The following YPEL2 variants were observed in gnomAD, a reference collection of about 807,000 sequenced individuals.
YPEL2 encodes protein yippee-like 2.
Under a neutral mutation model 19.1 loss-of-function variants are expected in YPEL2, and 2 were observed. That is an observed-to-expected ratio of 0.10 (90% CI 0.04 to 0.33). The LOEUF (loss-of-function observed/expected upper bound fraction) is 0.33. Ranked by LOEUF, YPEL2 falls within the 10% of genes least tolerant of loss-of-function variation. The pLI, the probability that YPEL2 is intolerant of heterozygous loss-of-function variation, is 1.00. For synonymous variants in YPEL2, 52 were observed against 50.0 expected, an observed-to-expected ratio of 1.04 and a Z score of -0.17; for missense variants, 66 against 140.7, an observed-to-expected ratio of 0.47 and a Z score of 2.68.
intron 2 of YPEL2, among the ~76,000 whole-genome samples, chr17:59,358,619 A>G (rs1415562723): frequency 6.7e-6 from 1 of 149,522 alleles, no homozygotes; most frequent in Non-Finnish European, 1.5e-5. Context: ...TTGTTTTTCT[A>G]TTTTTTTGAG....
intron 2 of YPEL2, chr17:59,354,974 T>TG (rs1015210349): frequency 2.3e-4 from 35 of 150,846 alleles, no homozygotes; most frequent in African/African-American, 8.3e-4. Flanking sequence ...TTGTCCTTTT[T>TG]TTTTTTTCCC....
At chr17:59,344,096 A>G (rs989687130) in intron 1 of YPEL2, among the ~76,000 whole-genome samples, 3 of 152,154 alleles carry the variant, frequency 2.0e-5, no homozygotes, top group African/African-American at 4.8e-5. Context: ...GTCTCACTAC[A>G]TTGCCCAGGC....
At chr17:59,334,394 G>GGT (rs199578642) in intron 1 of YPEL2, among the ~76,000 whole-genome samples, 6 of 148,238 alleles carry the variant, frequency 4.0e-5, no homozygotes, top group East Asian at 2.3e-4. Flanking sequence ...TTTATTTGGG[G>GGT]GGGGGTGAGG....
chr17:59,333,015 C>A (rs2047679774), intron 1 of YPEL2, among the ~76,000 whole-genome samples: 1 of 152,226 alleles, frequency 6.6e-6, no homozygotes, highest in African/African-American at 2.4e-5. Flanking sequence ...CCCTGTGCCT[C>A]ACAGAGCATT....
rs1043783256 is a variant in YPEL2 at position 59,401,028 on chromosome 17, A to G, written c.*3838A>G. 1 of 152,560 alleles carries G rather than the reference A, an allele frequency of 6.6e-6. No homozygotes were observed. The highest frequency in any genetic ancestry group is 1.5e-5 in the Non-Finnish European group (1 of 68,032). The allele number at this position is 152,560 out of a possible 1,614,324, so 9.5% of individuals were successfully genotyped here. A position where few individuals can be genotyped will look rare whatever the true frequency, so the allele number is the denominator to read the frequency against. ...GGAGCAGAGTCAAATCTGTGCTTCT[A>G]ACTGAGATGAGAGTGTATTAATCAC... On this transcript the variant is annotated 3_prime_UTR_variant, in exon 5 of 5. Coordinates refer to ENST00000312655, the MANE Select transcript of YPEL2 (RefSeq NM_001005404.4).
intron 2 of YPEL2, among the ~76,000 whole-genome samples, chr17:59,363,476 T>C (rs1480603164): frequency 6.6e-6 from 1 of 151,642 alleles, no homozygotes; most frequent in Non-Finnish European, 1.5e-5. Flanking sequence ...CCCGGCTAAT[T>C]TTTGTATTTT....
chr17:59,392,341 T>C (rs1311601949), intron 4 of YPEL2, among the ~76,000 whole-genome samples: 3 of 152,122 alleles, frequency 2.0e-5, no homozygotes, highest in African/African-American at 7.2e-5. Flanking sequence ...TAAGATCCAG[T>C]GTCTGTCCTC....
intron 2 of YPEL2, among the ~76,000 whole-genome samples, chr17:59,387,994 C>G (rs1340251685): frequency 6.6e-6 from 1 of 152,118 alleles, no homozygotes; most frequent in East Asian, 1.9e-4. Context: ...CCAGGAAACG[C>G]CAATGCGGAT....
At chr17:59,360,578 T>A (rs998568629) in intron 2 of YPEL2, among the ~76,000 whole-genome samples, 5 of 152,232 alleles carry the variant, frequency 3.3e-5, no homozygotes, top group African/African-American at 1.2e-4. Flanking sequence ...AAGCTCTGTC[T>A]CCTACTAATG....
chr17:59,366,785 G>A (rs1221420211), intron 2 of YPEL2, among the ~76,000 whole-genome samples: 1 of 152,230 alleles, frequency 6.6e-6, no homozygotes. Flanking sequence ...AGCCTGAGGA[G>A]AGAGGAAGCC....
Position 59,399,160 on chromosome 17 carries a change from A to G in YPEL2, c.*1970A>G, listed in dbSNP as rs1387013790. ...AATAGTTTCTCTGGCTCACAGGCCCAAGTTCTCAATGAAATCGTTTTTTAA... is the reference window on the plus strand; with the variant it reads ...AATAGTTTCTCTGGCTCACAGGCCCGAGTTCTCAATGAAATCGTTTTTTAA... On this transcript the variant is annotated 3_prime_UTR_variant, in exon 5 of 5. Transcript: ENST00000312655. 1 of 152,618 alleles carries G rather than the reference A, an allele frequency of 6.6e-6. No homozygotes were observed. Among genetic ancestry groups the G allele is most frequent in the East Asian group, 1.9e-4 (1 of 5,192 alleles). The allele number at this position is 152,618 out of a possible 1,614,324, so 9.5% of individuals were successfully genotyped here. A position where few individuals can be genotyped will look rare whatever the true frequency, so the allele number is the denominator to read the frequency against.
At chr17:59,336,462 G>T (rs1015725238) in intron 1 of YPEL2, among the ~76,000 whole-genome samples, 3 of 152,308 alleles carry the variant, frequency 2.0e-5, no homozygotes, top group African/African-American at 7.2e-5. Context: ...TATATGTGGG[G>T]CTAAGAGCCT....
chr17:59,357,571 A>G (rs1001912768), intron 2 of YPEL2, among the ~76,000 whole-genome samples: 1 of 152,222 alleles, frequency 6.6e-6, no homozygotes, highest in Non-Finnish European at 1.5e-5. Flanking sequence ...CCCTAATGGT[A>G]CAAGCCCTAG....
chr17:59,338,921 C>T (rs1426722545), intron 1 of YPEL2, among the ~76,000 whole-genome samples: 1 of 152,130 alleles, frequency 6.6e-6, no homozygotes, highest in Non-Finnish European at 1.5e-5. Flanking sequence ...AAAACTGTTT[C>T]CCAGGTTCTT....
chr17:59,340,581 A>C (rs571347938), intron 1 of YPEL2, among the ~76,000 whole-genome samples: 1 of 151,268 alleles, frequency 6.6e-6, no homozygotes, highest in South Asian at 2.1e-4. Context: ...TCGCTCGGCT[A>C]ATTTTTTATA....
intron 1 of YPEL2, among the ~76,000 whole-genome samples, chr17:59,341,528 G>A (rs1287384899): frequency 6.6e-6 from 1 of 150,634 alleles, no homozygotes. Flanking sequence ...GTGTGGTGGC[G>A]GGTGCCTATA....
chr17:59,379,096 C>T (rs1393688235), intron 2 of YPEL2, among the ~76,000 whole-genome samples: 1 of 152,232 alleles, frequency 6.6e-6, no homozygotes, highest in Admixed American at 6.5e-5. Flanking sequence ...CTTGTTCTTA[C>T]TGCAGAGAAG....
intron 2 of YPEL2, among the ~76,000 whole-genome samples, chr17:59,372,752 G>A (rs1449788979): frequency 6.6e-6 from 1 of 152,252 alleles, no homozygotes; most frequent in Non-Finnish European, 1.5e-5. Context: ...TCCTAGGACT[G>A]ACTCTGTCCC....
At chr17:59,385,515 C>T (rs1412661695) in intron 2 of YPEL2, among the ~76,000 whole-genome samples, 1 of 152,084 alleles carries the variant, frequency 6.6e-6, no homozygotes, top group Admixed American at 6.5e-5. Flanking sequence ...GAGATCAAGG[C>T]TGCAGTGAGC....
Sources: allele counts gnomAD v4.1 joint callset (sites outside exome capture counted in the v4.1 genomes callset), GRCh38; gene constraint gnomAD v4.1.1; transcripts MANE v1.5; gene names NCBI Gene and HGNC (gene_info 2026-07-23, HGNC 2026-07-21).